ANKZF1: variants seen among roughly 807,000 people sequenced by gnomAD.
ANKZF1 encodes the protein ankyrin repeat and zinc finger peptidyl tRNA hydrolase 1.
A neutral mutation model predicts 86.0 loss-of-function variants in ANKZF1; 84 were observed. The ratio of observed to expected loss-of-function variants is 0.98; its 90% CI spans 0.82 to 1.17. The LOEUF is 1.17. Ranked by LOEUF, ANKZF1 falls within the 50% of genes most tolerant of loss-of-function variation. The pLI is 0.00. For synonymous variants in ANKZF1, 331 were observed against 354.2 expected (o/e 0.93, Z 0.74); for missense variants, 893 against 918.4 (o/e 0.97, Z 0.36).
At chr2:219,231,726 A>C (rs1401092283) in intron 2 of ANKZF1, 1 of 529,938 alleles carries the variant, frequency 1.9e-6, no homozygotes, top group African/African-American at 1.9e-5. Flanking sequence ...TTTTACGTAC[A>C]TGTTTTCAGA....
chr2:219,236,292 T>C (rs1178019608), intron 13 of ANKZF1, 30 bp from the exon 14 acceptor site: 4 of 1,613,416 alleles, frequency 2.5e-6, no homozygotes, highest in Non-Finnish European at 1.7e-6. Flanking sequence ...CTGGGGTACC[T>C]GTCCAGCCAT....
At chr2:219,232,213 G>A in intron 3 of ANKZF1, 47 bp from the exon 4 acceptor site, 1 of 1,586,612 alleles carries the variant, frequency 6.3e-7, no homozygotes. Context: ...ACAAGGCCAG[G>A]CTGGGGCATA....
At chr2:219,231,406 CT>C in intron 2 of ANKZF1, 1 of 163,176 alleles carries the variant, frequency 6.1e-6, no homozygotes. Flanking sequence ...TTTTCTTCAT[CT>C]TTTTTGAGAC....
At chr2:219,235,405 G>T (rs1471580966) in intron 10 of ANKZF1, 69 bp from the exon 11 acceptor site, 18 of 1,604,062 alleles carry the variant, frequency 1.1e-5, no homozygotes, top group Non-Finnish European at 1.5e-5. Flanking sequence ...ATATTCCCTT[G>T]GTCTGGTTGG....
At chr2:219,234,091 C>T in intron 8 of ANKZF1, 42 bp from the exon 9 acceptor site, 2 of 1,589,860 alleles carry the variant, frequency 1.3e-6, no homozygotes, top group Non-Finnish European at 1.7e-6. Flanking sequence ...GCGCTAGCTT[C>T]TCCTCAGCTA....
chr2:219,234,482 G>A, intron 9 of ANKZF1, 194 bp downstream of exon 9: 1 of 769,094 alleles, frequency 1.3e-6, no homozygotes, highest in Non-Finnish European at 2.1e-6. Flanking sequence ...TTTCCCCAGA[G>A]CTAAGAAAAT....
In ANKZF1 at chr2:219,235,469, C is replaced by T. The variant is rs375511352; in HGVS notation, c.1692-5C>T. 68 of 1,613,634 alleles carry T rather than the reference C, an allele frequency of 4.2e-5. No individual in the cohort carries two copies. The African/African-American group carries it at 7.9e-4, about 19-fold the overall frequency. The stretch of plus-strand genomic sequence containing the variant: ...TAAACCCATTTTTGGAGTTTTTGCA[C>T]CTAGGGACTCTCGGGCCCGGCCACC... On this transcript the variant is annotated splice_polypyrimidine_tract_variant and splice_region_variant and intron_variant, in intron 10 of 13. Transcript: ENST00000323348.
Position 219,236,453 on chromosome 2 carries a change from C to T in ANKZF1, c.*8C>T. On this transcript the variant is annotated 3_prime_UTR_variant, in exon 14 of 14. Coordinates refer to ENST00000323348, the MANE Select transcript of ANKZF1 (RefSeq NM_018089.3). Reference sequence around the variant, plus strand: ...GGGAGGCCCTCTTCCTGATCTCTTACAGCTCTACCTGGGGCCAACTCAGGG... The same window carrying T: ...GGGAGGCCCTCTTCCTGATCTCTTATAGCTCTACCTGGGGCCAACTCAGGG... The T allele has an allele frequency of 6.3e-7, 1 of 1,583,436 alleles. No individual in the cohort carries two copies. The highest frequency in any genetic ancestry group is 1.2e-5 in the South Asian group (1 of 86,522).
At chr2:219,235,607 A>G (rs368835469) in intron 11 of ANKZF1, 22 bp downstream of exon 11, 3 of 1,613,722 alleles carry the variant, frequency 1.9e-6, no homozygotes, top group Non-Finnish European at 1.7e-6. Flanking sequence ...TAGGAAGGAC[A>G]AGCAGAGTGG....
Position 219,234,687 on chromosome 2 carries a change from T to TG in ANKZF1, c.1205-137dup, listed in dbSNP as rs145802094. The TG allele has an allele frequency of 3.3e-3, 3,746 of 1,142,356 alleles. 94 individuals carry two copies. In the African/African-American group the frequency reaches 0.046, roughly 14 times the overall value. The allele number at this position is 1,142,356 out of a possible 1,614,324, so 70.8% of individuals were successfully genotyped here. On this transcript the variant is annotated intron_variant, in intron 9 of 13. Transcript: ENST00000323348. ...AGCCTCATTTCTGCATGTGATATAA[T>TG]GGACTCAGCTCTTGATGTGCTACTT...
chr2:219,230,576 C>T (rs938202094), intron 2 of ANKZF1, 171 bp downstream of exon 2: 17 of 856,330 alleles, frequency 2.0e-5, no homozygotes, highest in Non-Finnish European at 2.5e-5. Flanking sequence ...CCCTTGTTTT[C>T]AAACAAGTCT....
Position 219,235,487 on chromosome 2 carries a change from C to T in ANKZF1, c.1705C>T (p.Arg569Trp), listed in dbSNP as rs2293076. 3.1e-4 allele frequency: 507 copies of T among 1,613,912 alleles called. 3 individuals are homozygous for T. In the East Asian group the frequency reaches 9.4e-3, roughly 30 times the overall value. ...ADPTVQDSRA[R>W]PPYTVAADKS... ...TTTTGCACCTAGGGACTCTCGGGCC[C>T]GGCCACCTTATACTGTTGCGGCTGA... The change falls in exon 11 of 14, where the codon CGG becomes TGG. Residue 569 changes from arginine to tryptophan, a missense_variant. Physicochemically the swap from Arg to Trp is moderately radical, Grantham distance 101 (BLOSUM62 -3). Transcript: ENST00000323348.
rs768901905 is a variant in ANKZF1, at chr2:219,235,084, C to G, written c.1463C>G (p.Ala488Gly). The change falls in exon 10 of 14, where the codon GCC becomes GGC. Residue 488 changes from alanine (A) to glycine (G), a missense_variant. Ala to Gly is a moderately conservative substitution (Grantham distance 60). Coordinates refer to ENST00000323348, the MANE Select transcript of ANKZF1 (RefSeq NM_018089.3). ...GGCCCTTTGCTGGATGAGGCCAAAGCCCCTGGTCAGCCAGAGCTCTGGAAT... is the reference window on the plus strand; with the variant it reads ...GGCCCTTTGCTGGATGAGGCCAAAGGCCCTGGTCAGCCAGAGCTCTGGAAT... The part of the protein sequence containing the change: ...PLGPLLDEAK[A>G]PGQPELWNAL... The G allele has an allele frequency of 1.2e-6, 2 of 1,614,176 alleles. No homozygotes were observed. Among genetic ancestry groups the G allele is most frequent in the Admixed American group, 1.7e-5 (1 of 60,026 alleles).
At position 219,229,837 on chromosome 2, in the gene ANKZF1, T is replaced by A. The variant is rs2106452387; in HGVS notation, c.-94T>A. The stretch of plus-strand genomic sequence containing the variant: ...GCTGCTCCGTAGTGACGGGGATTGT[T>A]GTGTTGCAGAAATCCGGCAATCGAC... On this transcript the variant is annotated 5_prime_UTR_variant, in exon 1 of 14. Coordinates refer to ENST00000323348, the MANE Select transcript of ANKZF1 (RefSeq NM_018089.3). The surrounding 1 kb of genome is among the most constrained non-coding windows in gnomAD (Gnocchi z 4.2). The A allele has an allele frequency of 1.2e-5, 2 of 170,716 alleles. No homozygotes were observed. Among genetic ancestry groups the A allele is most frequent in the East Asian group, 3.5e-4 (2 of 5,638 alleles). 10.6% of individuals were successfully genotyped at this position (170,716 alleles called of 1,614,324 possible). A position where few individuals can be genotyped will look rare whatever the true frequency, so the allele number is the denominator to read the frequency against.
At position 219,234,835 on chromosome 2, in the gene ANKZF1, C is replaced by T. The variant is rs200734099; in HGVS notation, c.1214C>T (p.Ser405Leu). ...NEESPKQGSG[S>L]EGEDGFQVEL... ...TCAGGTTTTTCCCTAGGTTCAGGGTCGGAGGGAGAAGATGGCTTTCAGGTA... is the reference window on the plus strand; with the variant it reads ...TCAGGTTTTTCCCTAGGTTCAGGGTTGGAGGGAGAAGATGGCTTTCAGGTA... The change falls in exon 10 of 14, where the codon TCG becomes TTG. Residue 405 changes from serine (S) to leucine (L), a missense_variant. Physicochemically the swap from Ser to Leu is moderately radical, Grantham distance 145 (BLOSUM62 -2). Transcript: ENST00000323348. 1.6e-5 allele frequency: 26 copies of T among 1,610,384 alleles called. No individual in the cohort carries two copies. The highest frequency in any genetic ancestry group is 2.2e-5 in the East Asian group (1 of 44,842).
At chr2:219,233,536 A>G in intron 7 of ANKZF1, 103 bp downstream of exon 7, 2 of 1,444,324 alleles carry the variant, frequency 1.4e-6, no homozygotes, top group Non-Finnish European at 1.8e-6. Flanking sequence ...TATCCTTCCA[A>G]TTTTCATTAT....
Position 219,235,961 on chromosome 2 carries a change from C to A in ANKZF1, c.1972-49C>A. The stretch of plus-strand genomic sequence containing the variant: ...GCGTGCAGCTGTCACCTCTTGGGTG[C>A]CCTACTCGCCACTGGGGCCTTGTCC... On this transcript the variant is annotated intron_variant, in intron 12 of 13. Transcript: ENST00000323348. 2.5e-6 allele frequency: 4 copies of A among 1,613,798 alleles called. No individual in the cohort carries two copies. The East Asian group carries it at 8.9e-5, about 36-fold the overall frequency.
chr2:219,233,043 C>G (rs1480279321), intron 5 of ANKZF1, 36 bp from the exon 6 acceptor site: 1 of 1,585,916 alleles, frequency 6.3e-7, no homozygotes, highest in Admixed American at 1.7e-5. Flanking sequence ...TCAGTGAATG[C>G]AACAGATATG....
At position 219,236,471 on chromosome 2, in the gene ANKZF1, A is replaced by G. The variant is rs1951241414; in HGVS notation, c.*26A>G. The G allele has an allele frequency of 3.2e-6, 5 of 1,546,474 alleles. No individual in the cohort carries two copies. The highest frequency in any genetic ancestry group is 2.3e-5 in the East Asian group (1 of 44,178). On this transcript the variant is annotated 3_prime_UTR_variant, in exon 14 of 14. Coordinates refer to ENST00000323348, the MANE Select transcript of ANKZF1 (RefSeq NM_018089.3). ...TCTCTTACAGCTCTACCTGGGGCCA[A>G]CTCAGGGACCTGAGAGGGCACATTC...
Sources: gnomAD v4.1 joint callset for allele counts on GRCh38, gnomAD v4.1.1 for gene constraint, Gnocchi (gnomAD v3.1) non-coding constraint, MANE v1.5 for transcripts, NCBI Gene and HGNC (gene_info 2026-07-23, HGNC 2026-07-21) for gene names.